SPIRE2: variants seen among roughly 807,000 people sequenced by gnomAD.
SPIRE2 encodes the protein spire type actin nucleation factor 2.
Under a neutral mutation model 80.7 loss-of-function variants are expected in SPIRE2, and 76 were observed. The observed-to-expected ratio is 0.94, with a 90% CI of 0.78 to 1.14. The LOEUF is 1.14. Ranked by LOEUF, SPIRE2 falls within the 50% of genes most tolerant of loss-of-function variation. SPIRE2 has a pLI of 0.00. For missense variants in SPIRE2, 1,196 were observed against 1,015.3 expected (o/e 1.18, Z -2.42); for synonymous variants, 535 against 432.6 (o/e 1.24, Z -2.94).
At chr16:89,839,629 C>G (rs558563813) in intron 1 of SPIRE2, among the ~76,000 whole-genome samples, 1 of 152,298 alleles carries the variant, frequency 6.6e-6, no homozygotes, top group East Asian at 1.9e-4. Flanking sequence ...CGGGAGAGAT[C>G]AGAGATGGCT....
intron 1 of SPIRE2, among the ~76,000 whole-genome samples, chr16:89,838,436 G>A (rs961331823): frequency 2.6e-5 from 4 of 151,882 alleles, no homozygotes; most frequent in Non-Finnish European, 4.4e-5. Context: ...GGCCTGCCTC[G>A]GCCTCCCAAA....
Position 89,864,607 on chromosome 16 carries a change from A to G in SPIRE2, c.1778+746A>G, listed in dbSNP as rs889371551. On this transcript the variant is annotated intron_variant, in intron 12 of 14. Transcript: ENST00000378247. ...GTGCTCAGGGGCAGGAATGAGTAACATCGGTTTCCACCGGCCACAGGCAGA... is the reference window on the plus strand; with the variant it reads ...GTGCTCAGGGGCAGGAATGAGTAACGTCGGTTTCCACCGGCCACAGGCAGA... Among the ~76,000 whole-genome samples, 3 of 152,246 alleles carry G rather than the reference A, an allele frequency of 2.0e-5. No individual in the cohort carries two copies. The South Asian group carries it at 6.2e-4, about 32-fold the overall frequency.
At chr16:89,837,327 G>C (rs2041460006) in intron 1 of SPIRE2, among the ~76,000 whole-genome samples, 1 of 152,212 alleles carries the variant, frequency 6.6e-6, no homozygotes, top group South Asian at 2.1e-4. Context: ...CTCCGTGTCA[G>C]CCCTGGAGCC....
chr16:89,839,172 T>TCTA (rs1462079364), intron 1 of SPIRE2, among the ~76,000 whole-genome samples: 1 of 151,928 alleles, frequency 6.6e-6, no homozygotes, highest in Non-Finnish European at 1.5e-5. Flanking sequence ...AAACCCCATC[T>TCTA]CTAAAAATAC....
intron 6 of SPIRE2, 83 bp from the exon 7 acceptor site, chr16:89,856,030 C>T: frequency 1.3e-6 from 2 of 1,564,420 alleles, no homozygotes; most frequent in Non-Finnish European, 1.7e-6. Context: ...TTCCCCACCA[C>T]AGGTCCCGCT....
intron 12 of SPIRE2, 144 bp downstream of exon 12, chr16:89,864,005 C>G (rs936544058): frequency 2.2e-5 from 13 of 599,030 alleles, no homozygotes; most frequent in Admixed American, 9.7e-5. Flanking sequence ...ATGGTTAGTA[C>G]GAATGAGGAG....
chr16:89,855,849 G>C, intron 6 of SPIRE2, 163 bp downstream of exon 6: 1 of 900,962 alleles, frequency 1.1e-6, no homozygotes. Context: ...TTGCCTGTGT[G>C]CCAGCCCGGG....
intron 3 of SPIRE2, among the ~76,000 whole-genome samples, chr16:89,851,936 G>A (rs1026182433): frequency 4.6e-5 from 7 of 151,948 alleles, no homozygotes; most frequent in African/African-American, 1.7e-4. Flanking sequence ...AGCCTTTGCA[G>A]GTGGTTTTGA....
Position 89,850,297 on chromosome 16 carries a change from C to CCCGCAGA in SPIRE2, c.289-3_292dup. On this transcript the variant is annotated splice_region_variant and splice_polypyrimidine_tract_variant and intron_variant, in intron 2 of 14. Transcript: ENST00000378247. ...TACCGCCCAGTGACCGCGCCCCTGTCCCGCAGACCGTGCAGTCCCTCGGCT... is the reference window on the plus strand; with the variant it reads ...TACCGCCCAGTGACCGCGCCCCTGTCCCGCAGACCGCAGACCGTGCAGTCCCTCGGCT... The CCCGCAGA allele has an allele frequency of 6.2e-7, 1 of 1,601,362 alleles. No homozygotes were observed.
intron 8 of SPIRE2, among the ~76,000 whole-genome samples, chr16:89,858,846 C>T (rs28496459): frequency 0.045 from 6,902 of 152,286 alleles, 561 homozygotes; most frequent in African/African-American, 0.16. Flanking sequence ...GGCTCCCTGC[C>T]CACCCTGGCT....
chr16:89,845,545 G>C (rs915673925), intron 2 of SPIRE2, 180 bp downstream of exon 2: 41 of 732,898 alleles, frequency 5.6e-5, no homozygotes, highest in Admixed American at 2.4e-4. Context: ...GAGAGCAGAC[G>C]TGGAGGAGAC....
At chr16:89,840,599 G>A (rs191215639) in intron 1 of SPIRE2, among the ~76,000 whole-genome samples, 2 of 148,518 alleles carry the variant, frequency 1.3e-5, no homozygotes, top group African/African-American at 5.0e-5. Flanking sequence ...TCTCTCAAAA[G>A]TTGGAGATGG....
chr16:89,870,335 C>CA lies in SPIRE2; in HGVS notation c.*63_*64insA. On this transcript the variant is annotated 3_prime_UTR_variant, in exon 15 of 15. Transcript: ENST00000378247. ...AGGCCCTGTATCAGGCTAGGACGCT[C>CA]TGAGCTGTGCATGTACATATATACA... 2 of 995,604 alleles carry CA rather than the reference C, an allele frequency of 2.0e-6. No homozygotes were observed. The highest frequency in any genetic ancestry group is 3.1e-6 in the Non-Finnish European group (2 of 652,418). 61.7% of individuals were successfully genotyped at this position (995,604 alleles called of 1,614,324 possible).
rs924348222 is a variant in SPIRE2, at chr16:89,863,746, C to A, written c.1711-48C>A. 2 of 1,609,840 alleles carry A rather than the reference C, an allele frequency of 1.2e-6. No homozygotes were observed. The highest frequency in any genetic ancestry group is 2.7e-5 in the African/African-American group (2 of 74,800). On this transcript the variant is annotated intron_variant, in intron 11 of 14. Transcript: ENST00000378247. The surrounding 1 kb of genome is among the most constrained non-coding windows in gnomAD (Gnocchi z 4.3). ...GGGGTAGCAGGGACAGGGCGGGACC[C>A]CAGGGAGCTTTGGACAAAGCGGGGC...
At position 89,832,835 on chromosome 16, in the gene SPIRE2, T is replaced by G. The variant is rs140019769; in HGVS notation, c.244+4041T>G. ...CCCTGTTTTTGTTGTTGTTGTTGTT[T>G]TTTGGGACAGAGTTTCGCTCTTATT... On this transcript the variant is annotated intron_variant, in intron 1 of 14. Transcript: ENST00000378247. Among the ~76,000 whole-genome samples, 236 of 152,208 alleles carry G rather than the reference T, an allele frequency of 1.6e-3. 1 individual carries two copies. The highest frequency in any genetic ancestry group is 6.8e-3 in the Middle Eastern group (2 of 294).
chr16:89,833,854 C>G (rs903854165), intron 1 of SPIRE2, among the ~76,000 whole-genome samples: 2 of 152,144 alleles, frequency 1.3e-5, no homozygotes, highest in African/African-American at 4.8e-5. Flanking sequence ...GGGCGTGTTT[C>G]CCTGTGACGT....
intron 1 of SPIRE2, among the ~76,000 whole-genome samples, chr16:89,830,179 G>A (rs1356883244): frequency 1.3e-5 from 2 of 151,142 alleles, no homozygotes; most frequent in East Asian, 1.9e-4. Context: ...TGTGCAAGGC[G>A]TCCTCAGAGC....
At chr16:89,830,212 C>G (rs1017744774) in intron 1 of SPIRE2, among the ~76,000 whole-genome samples, 1 of 151,216 alleles carries the variant, frequency 6.6e-6, no homozygotes, top group African/African-American at 2.4e-5. Flanking sequence ...CTCTCCACCT[C>G]CATCCCTGGG....
chr16:89,843,673 T>TTTTTTGG (rs2041525490), intron 1 of SPIRE2, among the ~76,000 whole-genome samples: 1 of 56,234 alleles, frequency 1.8e-5, no homozygotes, highest in African/African-American at 9.2e-5. Flanking sequence ...CCACGTTTTT[T>TTTTTTGG]TTTTTTTGTT....
Sources: allele counts gnomAD v4.1 joint callset (sites outside exome capture counted in the v4.1 genomes callset), GRCh38; gene constraint gnomAD v4.1.1; non-coding constraint Gnocchi (gnomAD v3.1); transcripts MANE v1.5; gene names NCBI Gene and HGNC (gene_info 2026-07-23, HGNC 2026-07-21).